The following CATSPERT variants were observed in gnomAD, a reference collection of about 807,000 sequenced individuals.
The protein encoded by CATSPERT is cation channel sperm-associated targeting subunit tau.
chr2:201,586,501 A>C, the CATSPERT span, among the ~76,000 whole-genome samples: 4 of 152,296 alleles, frequency 2.6e-5, no homozygotes, highest in South Asian at 8.3e-4. Flanking sequence ...CATTACATAT[A>C]TTAACTACTA....
chr2:201,619,004 T>C, the CATSPERT span: 1 of 1,614,052 alleles, frequency 6.2e-7, no homozygotes, highest in Non-Finnish European at 8.5e-7. Flanking sequence ...GACCCTTTAA[T>C]GTGCATGATA....
At chr2:201,609,871 A>G in the CATSPERT span, among the ~76,000 whole-genome samples, 2 of 147,136 alleles carry the variant, frequency 1.4e-5, no homozygotes, top group African/African-American at 4.9e-5. Flanking sequence ...AGAACCTTTA[A>G]AAAGTACAAA....
chr2:201,494,562 A>T, the CATSPERT span: 1 of 1,537,050 alleles, frequency 6.5e-7, no homozygotes, highest in Non-Finnish European at 8.7e-7. Flanking sequence ...TATTAGGGTC[A>T]TGGGCCCAGG....
chr2:201,603,251 T>C, the CATSPERT span: 1 of 1,611,524 alleles, frequency 6.2e-7, no homozygotes, highest in Non-Finnish European at 8.5e-7. Context: ...CTGCAGTTCT[T>C]TATATGAATG....
chr2:201,600,818 C>G, the CATSPERT span, among the ~76,000 whole-genome samples: 1 of 150,564 alleles, frequency 6.6e-6, no homozygotes, highest in Non-Finnish European at 1.5e-5. Context: ...ATGGCATGAT[C>G]TCAACTCACT....
At chr2:201,546,893 A>G in the CATSPERT span, among the ~76,000 whole-genome samples, 1 of 152,178 alleles carries the variant, frequency 6.6e-6, no homozygotes, top group African/African-American at 2.4e-5. Flanking sequence ...TCAGCTGAGG[A>G]ATGCATAAAC....
chr2:201,491,830 C>T, the CATSPERT span: 1 of 1,537,022 alleles, frequency 6.5e-7, no homozygotes, highest in Non-Finnish European at 8.7e-7. Context: ...ACCACCCCAA[C>T]TATATGGGTC....
chr2:201,590,827 G>A, the CATSPERT span, among the ~76,000 whole-genome samples: 3 of 151,162 alleles, frequency 2.0e-5, no homozygotes, highest in African/African-American at 7.3e-5. Context: ...ACTTTTTGAT[G>A]GGGTTGTTTT....
chr2:201,613,146 G>A, the CATSPERT span, among the ~76,000 whole-genome samples: 1 of 152,238 alleles, frequency 6.6e-6, no homozygotes, highest in African/African-American at 2.4e-5. Flanking sequence ...CTGAACAAAA[G>A]GCAGCAGAAA....
the CATSPERT span, among the ~76,000 whole-genome samples, chr2:201,596,715 T>C: frequency 6.6e-5 from 10 of 152,228 alleles, no homozygotes; most frequent in African/African-American, 2.4e-4. Flanking sequence ...GATTGACCAG[T>C]CTTTCAGTTC....
At chr2:201,575,076 A>G in the CATSPERT span, among the ~76,000 whole-genome samples, 173 of 131,162 alleles carry the variant, frequency 1.3e-3, no homozygotes, top group African/African-American at 4.4e-3. Flanking sequence ...AAGAGGAGGA[A>G]GAGGAGGAGG....
the CATSPERT span, among the ~76,000 whole-genome samples, chr2:201,533,220 G>A: frequency 3.9e-5 from 6 of 152,258 alleles, no homozygotes; most frequent in African/African-American, 1.2e-4. Context: ...GGATAGTTTA[G>A]AAAGAAAAGA....
chr2:201,533,026 G>C, the CATSPERT span, among the ~76,000 whole-genome samples: 11 of 152,156 alleles, frequency 7.2e-5, no homozygotes, highest in African/African-American at 2.4e-4. Flanking sequence ...TGCCAGACAA[G>C]GGCACTTCTA....
chr2:201,579,365 C>A, the CATSPERT span, among the ~76,000 whole-genome samples: 23 of 152,120 alleles, frequency 1.5e-4, no homozygotes, highest in Admixed American at 1.4e-3. Flanking sequence ...CTCAGCCCCC[C>A]ATGCAGCTGG....
the CATSPERT span, among the ~76,000 whole-genome samples, chr2:201,579,950 C>T: frequency 6.6e-6 from 1 of 151,484 alleles, no homozygotes. Flanking sequence ...CTCCTGGGCT[C>T]AATCGACCCT....
chr2:201,612,717 C>A, the CATSPERT span, among the ~76,000 whole-genome samples: 1 of 152,022 alleles, frequency 6.6e-6, no homozygotes, highest in Non-Finnish European at 1.5e-5. Flanking sequence ...TGGGGCTTGT[C>A]AGACAGTGGG....
the CATSPERT span, chr2:201,493,996 AT>A: frequency 2.0e-6 from 3 of 1,536,676 alleles, no homozygotes; most frequent in Non-Finnish European, 1.7e-6. Context: ...AATATTTTTA[AT>A]TACTTGACCA....
At chr2:201,493,530 T>C in the CATSPERT span, 3 of 1,536,970 alleles carry the variant, frequency 2.0e-6, no homozygotes, top group East Asian at 2.4e-5. Context: ...ATTCTAAAAG[T>C]GTATCTATAG....
chr2:201,507,792 G>T, the CATSPERT span, among the ~76,000 whole-genome samples: 2,306 of 152,224 alleles, frequency 0.015, 66 homozygotes, highest in African/African-American at 0.053. Context: ...GCATGACTGG[G>T]GGGGCCTCAG....
Sources: gnomAD v4.1 joint callset for allele counts (sites outside exome capture counted in the v4.1 genomes callset) on GRCh38, gnomAD v4.1.1 for gene constraint, MANE v1.5 for transcripts, NCBI Gene and HGNC (gene_info 2026-07-23, HGNC 2026-07-21) for gene names.